Variants in DISP1 observed in about 807,000 individuals in gnomAD.
DISP1 encodes dispatched RND transporter family member 1, also known as protein dispatched homolog 1.
A neutral mutation model predicts 37.3 loss-of-function variants in DISP1; 30 were observed. The observed-to-expected ratio is 0.80, with a 90% CI of 0.60 to 1.09. DISP1 has a LOEUF of 1.09. Ranked by LOEUF, DISP1 falls within the 50% of genes least tolerant of loss-of-function variation. The pLI, the probability that DISP1 is intolerant of heterozygous loss-of-function variation, is 0.00. For missense variants in DISP1, 1,598 were observed against 1,879.5 expected (o/e 0.85, Z 2.77); for synonymous variants, 634 against 690.2 (o/e 0.92, Z 1.28).
chr1:222,874,582 G>GGCACAAA (rs1669839759), intron 1 of DISP1, among the ~76,000 whole-genome samples: 1 of 152,112 alleles, frequency 6.6e-6, no homozygotes, highest in African/African-American at 2.4e-5. Context: ...TCGTCATGTA[G>GGCACAAA]TTCTCGTGCC....
chr1:222,962,256 A>G (rs1184892730), intron 3 of DISP1, among the ~76,000 whole-genome samples: 1 of 152,044 alleles, frequency 6.6e-6, no homozygotes, highest in East Asian at 1.9e-4. Flanking sequence ...AAGGAGAACT[A>G]CAAACCACTG....
rs1426170438 is a variant in DISP1 at position 223,003,489 on chromosome 1, A to G, written c.2092A>G (p.Ile698Val). Reference sequence around the variant, plus strand: ...GAAGTGCCACAAAGTACTCTTTGCCATTTCAGAAGCATCTCGAATTTTTTT... The same window carrying G: ...GAAGTGCCACAAAGTACTCTTTGCCGTTTCAGAAGCATCTCGAATTTTTTT... ...CQKCHKVLFA[I>V]SEASRIFFEK... Residue 698 changes from isoleucine to valine, a missense_variant, in exon 9 of 9, where the codon ATT (isoleucine) becomes GTT (valine). Coordinates refer to ENST00000675850, the MANE Select transcript of DISP1 (RefSeq NM_001377229.1). The surrounding 1 kb of genome is among the most constrained non-coding windows in gnomAD (Gnocchi z 4.3). 1 of 1,614,170 alleles carries G rather than the reference A, an allele frequency of 6.2e-7. No individual in the cohort carries two copies.
At chr1:222,965,104 G>A (rs1467368420) in intron 3 of DISP1, among the ~76,000 whole-genome samples, 1 of 151,824 alleles carries the variant, frequency 6.6e-6, no homozygotes, top group African/African-American at 2.4e-5. Context: ...TCTACTTTAT[G>A]AAAACAATAG....
At chr1:222,919,945 A>T (rs1378083366) in intron 1 of DISP1, among the ~76,000 whole-genome samples, 2 of 152,166 alleles carry the variant, frequency 1.3e-5, no homozygotes, top group African/African-American at 4.8e-5. Flanking sequence ...TCATTTTCTT[A>T]ATGTTGCTGT....
At chr1:222,835,862 G>T (rs1162158656) in intron 1 of DISP1, among the ~76,000 whole-genome samples, 2 of 150,898 alleles carry the variant, frequency 1.3e-5, no homozygotes, top group African/African-American at 4.9e-5. Context: ...TGAGGCAAGA[G>T]AATTGCTTGA....
At chr1:222,877,316 G>A (rs1228242598) in intron 1 of DISP1, among the ~76,000 whole-genome samples, 36 of 152,152 alleles carry the variant, frequency 2.4e-4, no homozygotes, top group Non-Finnish European at 1.5e-5. Context: ...CAATCATGGC[G>A]GAAGGCAAAG....
At chr1:222,869,754 T>TC (rs760618929) in intron 1 of DISP1, among the ~76,000 whole-genome samples, 309 of 152,304 alleles carry the variant, frequency 2.0e-3, no homozygotes, top group Non-Finnish European at 3.3e-3. Flanking sequence ...ATGAGACTGT[T>TC]AAAGAATTCA....
intron 3 of DISP1, among the ~76,000 whole-genome samples, chr1:222,949,046 T>A (rs1675006585): frequency 6.6e-6 from 1 of 152,222 alleles, no homozygotes; most frequent in East Asian, 1.9e-4. Flanking sequence ...AGATTCATTA[T>A]ATCAACCATC....
At chr1:222,959,132 T>A (rs1011258597) in intron 3 of DISP1, among the ~76,000 whole-genome samples, 1 of 152,200 alleles carries the variant, frequency 6.6e-6, no homozygotes, top group African/African-American at 2.4e-5. Context: ...TTATGAACAC[T>A]CTTCCCTGAG....
At chr1:222,868,630 T>A (rs1669338487) in intron 1 of DISP1, among the ~76,000 whole-genome samples, 1 of 152,126 alleles carries the variant, frequency 6.6e-6, no homozygotes, top group Admixed American at 6.6e-5. Context: ...AATGACTTTT[T>A]AAAATGAACT....
intron 1 of DISP1, among the ~76,000 whole-genome samples, chr1:222,865,784 T>C (rs905521088): frequency 2.6e-5 from 4 of 152,078 alleles, no homozygotes; most frequent in South Asian, 4.2e-4. Context: ...CTGATTTTTA[T>C]ACACACACAC....
chr1:222,884,511 G>T (rs1294196286), intron 1 of DISP1, among the ~76,000 whole-genome samples: 1 of 151,952 alleles, frequency 6.6e-6, no homozygotes, highest in African/African-American at 2.4e-5. Context: ...CATTTTTAAG[G>T]TTTCTTTTTA....
chr1:222,939,464 A>G (rs535643607), intron 2 of DISP1, among the ~76,000 whole-genome samples: 117 of 147,986 alleles, frequency 7.9e-4, no homozygotes, highest in African/African-American at 2.6e-3. Flanking sequence ...GGGTTCTTTG[A>G]AGGGAGTTAG....
intron 3 of DISP1, among the ~76,000 whole-genome samples, chr1:222,976,181 A>G (rs918314870): frequency 6.6e-6 from 1 of 152,046 alleles, no homozygotes; most frequent in Non-Finnish European, 1.5e-5. Context: ...TTTTTACTAG[A>G]CAAGACTAGT....
intron 1 of DISP1, among the ~76,000 whole-genome samples, chr1:222,839,661 A>G (rs766327656): frequency 6.6e-6 from 1 of 152,134 alleles, no homozygotes; most frequent in Non-Finnish European, 1.5e-5. Context: ...AGAGCCAGGC[A>G]TGGTGGCTCA....
At chr1:222,996,139 T>C (rs1679053185) in intron 8 of DISP1, among the ~76,000 whole-genome samples, 1 of 152,202 alleles carries the variant, frequency 6.6e-6, no homozygotes, top group Non-Finnish European at 1.5e-5. Flanking sequence ...CCACAAACGA[T>C]CTATAAATAG....
intron 1 of DISP1, among the ~76,000 whole-genome samples, chr1:222,822,368 T>C (rs1663153839): frequency 6.6e-6 from 1 of 152,204 alleles, no homozygotes; most frequent in African/African-American, 2.4e-5. Context: ...CCCTTTAAGC[T>C]TGACAAGAAC....
chr1:222,868,894 G>A (rs1572382900), intron 1 of DISP1, among the ~76,000 whole-genome samples: 2 of 152,052 alleles, frequency 1.3e-5, no homozygotes, highest in African/African-American at 4.8e-5. Context: ...TGATTCATAT[G>A]TATATTTTTT....
intron 3 of DISP1, among the ~76,000 whole-genome samples, chr1:222,947,862 T>C (rs1326570784): frequency 6.6e-6 from 1 of 152,126 alleles, no homozygotes; most frequent in East Asian, 1.9e-4. Context: ...CCGTTGTAGA[T>C]AGGAAGAACA....
Sources: allele counts gnomAD v4.1 joint callset (sites outside exome capture counted in the v4.1 genomes callset), GRCh38; gene constraint gnomAD v4.1.1; non-coding constraint Gnocchi (gnomAD v3.1); transcripts MANE v1.5; gene names NCBI Gene and HGNC (gene_info 2026-07-23, HGNC 2026-07-21).